LMX1A: variants seen among roughly 807,000 people sequenced by gnomAD.
The protein encoded by LMX1A is LIM homeobox transcription factor 1-alpha.
In LMX1A, 15 loss-of-function variants were observed where a neutral mutation model predicts 49.1. That is an observed-to-expected ratio of 0.31 (90% CI 0.20 to 0.47). LMX1A has a LOEUF of 0.47. Ranked by LOEUF, LMX1A falls within the 20% of genes least tolerant of loss-of-function variation. The pLI is 1.00. For missense variants in LMX1A, 372 were observed against 475.8 expected (o/e 0.78, Z 2.03); for synonymous variants, 167 against 185.7 (o/e 0.90, Z 0.82).
intron 3 of LMX1A, among the ~76,000 whole-genome samples, chr1:165,322,972 A>G (rs1379560891): frequency 6.6e-6 from 1 of 152,132 alleles, no homozygotes; most frequent in Non-Finnish European, 1.5e-5. Flanking sequence ...CTTAGATCAG[A>G]ACACAATTTG....
chr1:165,298,057 T>C (rs1252753310), intron 3 of LMX1A, among the ~76,000 whole-genome samples: 2 of 152,196 alleles, frequency 1.3e-5, no homozygotes, highest in Admixed American at 6.5e-5. Flanking sequence ...AGAAGTAACC[T>C]TACAGGACTT....
chr1:165,215,964 GCT>G (rs1179241104), intron 4 of LMX1A: 1 of 152,198 alleles, frequency 6.6e-6, no homozygotes. Flanking sequence ...CACTCAGGCG[GCT>G]CTTAATAGAT....
At chr1:165,333,543 C>T (rs1045991116) in intron 3 of LMX1A, among the ~76,000 whole-genome samples, 14 of 152,186 alleles carry the variant, frequency 9.2e-5, no homozygotes, top group African/African-American at 3.1e-4. Context: ...AAGTTTTGAA[C>T]AGCATCAATC....
intron 4 of LMX1A, among the ~76,000 whole-genome samples, chr1:165,220,184 A>T (rs1651788456): frequency 6.6e-6 from 1 of 152,206 alleles, no homozygotes; most frequent in South Asian, 2.1e-4. Context: ...CTCTTAAGGA[A>T]CATAAAACTG....
rs560282522 is a variant in LMX1A at position 165,249,159 on chromosome 1, T to C, written c.496+249A>G. On this transcript the variant is annotated intron_variant, in intron 4 of 8. Coordinates refer to ENST00000342310, the MANE Select transcript of LMX1A (RefSeq NM_177398.4). ...GTTAACCCGGACATTTCTGTGTGTG[T>C]GTGAAGTGTTTATGGTTGTATGCCA... Among the ~76,000 whole-genome samples, 57 of 152,338 alleles carry C rather than the reference T, an allele frequency of 3.7e-4. 1 individual carries two copies. In the South Asian group the frequency reaches 0.011, roughly 28 times the overall value.
intron 3 of LMX1A, among the ~76,000 whole-genome samples, chr1:165,286,432 C>T (rs548355605): frequency 1.3e-5 from 2 of 152,226 alleles, no homozygotes; most frequent in East Asian, 3.9e-4. Flanking sequence ...TAAATTACTC[C>T]AATTCTGACA....
chr1:165,340,234 A>C (rs1164180603), intron 3 of LMX1A, among the ~76,000 whole-genome samples: 1 of 151,822 alleles, frequency 6.6e-6, no homozygotes, highest in Admixed American at 6.6e-5. Context: ...TCCCGAGTAC[A>C]TGGGACCACA....
At chr1:165,206,754 C>A (rs1651099585) in intron 7 of LMX1A, among the ~76,000 whole-genome samples, 2 of 152,096 alleles carry the variant, frequency 1.3e-5, no homozygotes, top group African/African-American at 4.8e-5. Flanking sequence ...ACATAAAGAG[C>A]CTTAGGGGTG....
chr1:165,305,474 A>G lies in LMX1A; in HGVS notation c.263+47602T>C, dbSNP rs1654895206. Among the ~76,000 whole-genome samples, 5 of 152,342 alleles carry G rather than the reference A, an allele frequency of 3.3e-5. No homozygotes were observed. In the South Asian group the frequency reaches 1.0e-3, roughly 32 times the overall value. On this transcript the variant is annotated intron_variant, in intron 3 of 8. Coordinates refer to ENST00000342310, the MANE Select transcript of LMX1A (RefSeq NM_177398.4). ...TTGAAGCTTAAGTATGAAAGGACCC[A>G]GTAGGCCAAATATCACATTTTAAAA...
Position 165,356,670 on chromosome 1 carries a change from G to A in LMX1A, c.-338C>T. ...AGGGAAGGCAGAGGCCCAGGGTCCT[G>A]GGTGCGAGTCGGCCCTGCTTCGCCG... On this transcript the variant is annotated 5_prime_UTR_variant, in exon 1 of 9. Transcript: ENST00000342310. 6.5e-6 allele frequency: 1 copy of A among 153,628 alleles called. No homozygotes were observed. The highest frequency in any genetic ancestry group is 1.5e-5 in the Non-Finnish European group (1 of 68,850). 9.5% of individuals were successfully genotyped at this position (153,628 alleles called of 1,614,324 possible).
chr1:165,236,876 A>G (rs993431756), intron 4 of LMX1A, among the ~76,000 whole-genome samples: 12 of 150,622 alleles, frequency 8.0e-5, no homozygotes, highest in Admixed American at 5.9e-4. Flanking sequence ...TTAGTACATA[A>G]GTAGAACAAG....
chr1:165,322,475 G>A (rs532024415), intron 3 of LMX1A, among the ~76,000 whole-genome samples: 43 of 152,082 alleles, frequency 2.8e-4, no homozygotes, highest in African/African-American at 4.3e-4. Flanking sequence ...GTATATATAC[G>A]GTGGAATATT....
chr1:165,248,128 C>T (rs186053308), intron 4 of LMX1A, among the ~76,000 whole-genome samples: 99 of 152,332 alleles, frequency 6.5e-4, no homozygotes, highest in Non-Finnish European at 3.1e-4. Flanking sequence ...AGGGTAAACT[C>T]ACCCAGCATG....
intron 3 of LMX1A, among the ~76,000 whole-genome samples, chr1:165,276,038 C>G (rs1653958416): frequency 6.6e-6 from 1 of 151,742 alleles, no homozygotes; most frequent in South Asian, 2.1e-4. Flanking sequence ...TGCACACACC[C>G]CACCCGAGAG....
intron 3 of LMX1A, among the ~76,000 whole-genome samples, chr1:165,316,385 C>T (rs1433670347): frequency 1.3e-5 from 2 of 152,162 alleles, no homozygotes; most frequent in Admixed American, 6.5e-5. Flanking sequence ...GAGCAAAACG[C>T]CCAGCTGCCT....
rs186013220 is a variant in LMX1A, at chr1:165,353,390, C to T, written c.77-128G>A. On this transcript the variant is annotated intron_variant, in intron 2 of 8. Transcript: ENST00000342310. ...CCAGCGCCCCCCACCCCAGGGAACTCCTGCTAATCAACCAAGCTGAAACCT... is the reference window on the plus strand; with the variant it reads ...CCAGCGCCCCCCACCCCAGGGAACTTCTGCTAATCAACCAAGCTGAAACCT... 4 of 710,782 alleles carry T rather than the reference C, an allele frequency of 5.6e-6. No individual in the cohort carries two copies. In the East Asian group the frequency reaches 8.3e-5, roughly 15 times the overall value. 44.0% of individuals were successfully genotyped at this position (710,782 alleles called of 1,614,324 possible). A position where few individuals can be genotyped will look rare whatever the true frequency, so the allele number is the denominator to read the frequency against.
At chr1:165,304,594 A>C (rs914763124) in intron 3 of LMX1A, among the ~76,000 whole-genome samples, 82 of 152,284 alleles carry the variant, frequency 5.4e-4, no homozygotes, top group African/African-American at 1.9e-3. Flanking sequence ...ATGTTCTTAT[A>C]TAAACACAAT....
intron 4 of LMX1A, among the ~76,000 whole-genome samples, chr1:165,242,642 T>C (rs1973549): frequency 1 from 151,531 of 151,780 alleles, 75,641 homozygotes; most frequent in Middle Eastern, 1. Flanking sequence ...TTTGGGAGGC[T>C]GAGGCGGGCA....
At chr1:165,325,206 A>G (rs1655532295) in intron 3 of LMX1A, among the ~76,000 whole-genome samples, 1 of 152,170 alleles carries the variant, frequency 6.6e-6, no homozygotes, top group Non-Finnish European at 1.5e-5. Flanking sequence ...TTCTCGTTAG[A>G]AGATCTCTAT....
Sources: allele counts gnomAD v4.1 joint callset (sites outside exome capture counted in the v4.1 genomes callset), GRCh38; gene constraint gnomAD v4.1.1; transcripts MANE v1.5; gene names NCBI Gene and HGNC (gene_info 2026-07-23, HGNC 2026-07-21).